Variants in CAPN13 observed in about 807,000 individuals in gnomAD.
CAPN13 encodes calpain-13.
Under a neutral mutation model 98.4 loss-of-function variants are expected in CAPN13, and 90 were observed. The ratio of observed to expected loss-of-function variants is 0.92; its 90% confidence interval spans 0.77 to 1.09. The LOEUF (loss-of-function observed/expected upper bound fraction) is 1.09, where lower values mean the gene tolerates loss of function less well. Ranked by LOEUF, CAPN13 falls within the 50% of genes least tolerant of loss-of-function variation. The pLI is 0.00. For synonymous variants in CAPN13, 330 were observed against 305.5 expected, an observed-to-expected ratio of 1.08 and a Z score of -0.84; for missense variants, 887 against 841.3, an observed-to-expected ratio of 1.05 and a Z score of -0.67.
intron 1 of CAPN13, among the ~76,000 whole-genome samples, chr2:30,800,700 A>G (rs1258640981): frequency 3.3e-5 from 5 of 152,140 alleles, no homozygotes; most frequent in African/African-American, 1.2e-4. Context: ...TAAAATAGGA[A>G]CCCACAGAAT....
chr2:30,740,910 G>T (rs966571731), intron 15 of CAPN13, among the ~76,000 whole-genome samples: 2 of 152,180 alleles, frequency 1.3e-5, no homozygotes, highest in African/African-American at 2.4e-5. Flanking sequence ...CATCAGCTCT[G>T]GGGGAGGTGA....
chr2:30,752,344 G>A (rs1025453749), intron 10 of CAPN13, among the ~76,000 whole-genome samples: 5 of 152,192 alleles, frequency 3.3e-5, no homozygotes, highest in Admixed American at 6.5e-5. Context: ...AGATATATAA[G>A]CACACTCTTG....
At chr2:30,788,069 G>C (rs1374357022) in intron 1 of CAPN13, among the ~76,000 whole-genome samples, 1 of 152,074 alleles carries the variant, frequency 6.6e-6, no homozygotes, top group Non-Finnish European at 1.5e-5. Flanking sequence ...TTTATAGGTG[G>C]AGAATTGAAT....
At position 30,763,172 on chromosome 2, in the gene CAPN13, G is replaced by C; in HGVS notation, c.700-16C>G. The C allele has an allele frequency of 6.2e-7, 1 of 1,606,744 alleles. No individual in the cohort carries two copies. Among genetic ancestry groups the C allele is most frequent in the South Asian group, 1.1e-5 (1 of 89,176 alleles). ...TATCTGTTGGCTTCAAGGCAGAAAA[G>C]CAGATCAAACATTAGACATCTACAG... is the stretch of plus-strand genomic sequence containing the variant. On this transcript the variant is annotated splice_polypyrimidine_tract_variant and intron_variant, in intron 6 of 22. Coordinates refer to ENST00000295055, the MANE Select transcript of CAPN13 (RefSeq NM_144575.3).
intron 1 of CAPN13, among the ~76,000 whole-genome samples, chr2:30,790,971 G>A (rs1674579169): frequency 6.6e-6 from 1 of 151,958 alleles, no homozygotes; most frequent in Non-Finnish European, 1.5e-5. Flanking sequence ...AAGCTTAATT[G>A]CCTCTTAAAG....
intron 5 of CAPN13, among the ~76,000 whole-genome samples, chr2:30,766,750 C>G (rs1673131555): frequency 6.6e-6 from 1 of 152,188 alleles, no homozygotes; most frequent in African/African-American, 2.4e-5. Flanking sequence ...CTGTAGAGAT[C>G]CCATAAAGGA....
chr2:30,772,830 T>C (rs1673477972), intron 4 of CAPN13, among the ~76,000 whole-genome samples: 1 of 152,016 alleles, frequency 6.6e-6, no homozygotes, highest in Non-Finnish European at 1.5e-5. Context: ...TTCTTTTTTT[T>C]TTTTTTTGAG....
rs376096002 is a variant in CAPN13, at chr2:30,743,458, A to G, written c.1370T>C (p.Val457Ala). The change falls in exon 13 of 23, where the codon GTT becomes GCT. Residue 457 changes from valine (V) to alanine (A), a missense_variant. Val to Ala is a moderately conservative substitution (Grantham distance 64). Transcript: ENST00000295055. ...MTYHLSPGNY[V>A]VVAQTRRKSA... The stretch of plus-strand genomic sequence containing the variant: ...TTTTCTCCGTGTCTGTGCAACCACA[A>G]CATAGTTCCCAGGGCTCAGATGGTA... The G allele has an allele frequency of 1.9e-6, 3 of 1,613,888 alleles. No homozygotes were observed. Among genetic ancestry groups the G allele is most frequent in the Non-Finnish European group, 1.7e-6 (2 of 1,179,884 alleles).
chr2:30,799,662 G>C (rs1675072894), intron 1 of CAPN13, among the ~76,000 whole-genome samples: 1 of 152,214 alleles, frequency 6.6e-6, no homozygotes, highest in South Asian at 2.1e-4. Flanking sequence ...TCAGGGCTGA[G>C]AGGGGCAGAG....
chr2:30,800,116 A>AAAAGGAAGAAAG (rs1675126121), intron 1 of CAPN13, among the ~76,000 whole-genome samples: 1 of 85,596 alleles, frequency 1.2e-5, no homozygotes, highest in African/African-American at 4.5e-5. Flanking sequence ...GAAAAGAAAG[A>AAAAGGAAGAAAG]AAAGAAAGAA....
At chr2:30,777,450 C>T (rs552040523) in intron 3 of CAPN13, 117 bp downstream of exon 3, 35 of 867,812 alleles carry the variant, frequency 4.0e-5, no homozygotes, top group East Asian at 1.1e-4. Context: ...AGTTTGTCCA[C>T]GGCAGCACCA....
intron 2 of CAPN13, among the ~76,000 whole-genome samples, 181 bp from the exon 3 acceptor site, chr2:30,777,820 C>T (rs773731665): frequency 4.6e-5 from 7 of 152,238 alleles, no homozygotes; most frequent in Admixed American, 1.3e-4. Context: ...GCAGGTGTCA[C>T]GGAGTGTAAA....
intron 12 of CAPN13, chr2:30,745,267 T>C (rs983004445): frequency 8.4e-6 from 4 of 473,504 alleles, no homozygotes; most frequent in Non-Finnish European, 1.8e-5. Flanking sequence ...AGATGATCTG[T>C]TTAGGAGGGT....
chr2:30,800,124 G>GAAAAGAAAGA (rs1363360889), intron 1 of CAPN13, among the ~76,000 whole-genome samples: 30 of 109,996 alleles, frequency 2.7e-4, no homozygotes, highest in African/African-American at 1.0e-3. Flanking sequence ...AGAAAAGAAA[G>GAAAAGAAAGA]AAAGAAAGAA....
chr2:30,740,605 G>T (rs1210792884), intron 15 of CAPN13, among the ~76,000 whole-genome samples: 1 of 152,236 alleles, frequency 6.6e-6, no homozygotes, highest in Non-Finnish European at 1.5e-5. Flanking sequence ...TCTCTTTTCT[G>T]CTTCCCAGCC....
intron 5 of CAPN13, among the ~76,000 whole-genome samples, chr2:30,769,850 T>A (rs1185400553): frequency 6.6e-6 from 1 of 152,100 alleles, no homozygotes; most frequent in Non-Finnish European, 1.5e-5. Flanking sequence ...GATGTCTTTA[T>A]TTGAATCACT....
chr2:30,796,159 C>CAT, intron 1 of CAPN13, among the ~76,000 whole-genome samples: 4 of 133,268 alleles, frequency 3.0e-5, no homozygotes, highest in South Asian at 2.3e-4. Flanking sequence ...TATATATATA[C>CAT]ATATATATGT....
At chr2:30,762,325 A>G (rs1014403513) in intron 7 of CAPN13, among the ~76,000 whole-genome samples, 8 of 152,202 alleles carry the variant, frequency 5.3e-5, no homozygotes, top group African/African-American at 1.7e-4. Context: ...GAGGAGCACG[A>G]TTGTCCTACA....
chr2:30,764,340 C>A (rs368094677), intron 5 of CAPN13, 34 bp from the exon 6 acceptor site: 3 of 1,606,100 alleles, frequency 1.9e-6, no homozygotes, highest in Non-Finnish European at 2.6e-6. Flanking sequence ...CATCGTGGTG[C>A]CTTTGGTGAG....
Sources: gnomAD v4.1 joint callset for allele counts (sites outside exome capture counted in the v4.1 genomes callset) on GRCh38, gnomAD v4.1.1 for gene constraint, MANE v1.5 for transcripts, NCBI Gene and HGNC (gene_info 2026-07-23, HGNC 2026-07-21) for gene names.